The following PKP1 variants were observed in gnomAD, a reference collection of about 807,000 sequenced individuals.
The protein encoded by PKP1 is plakophilin-1.
In PKP1, 27 loss-of-function variants were observed where a neutral mutation model predicts 76.4. The ratio of observed to expected loss-of-function variants is 0.35; its 90% CI spans 0.26 to 0.49. The LOEUF (loss-of-function observed/expected upper bound fraction) is 0.49, where lower values mean the gene tolerates loss of function less well. Among genes scored for constraint, PKP1 ranks in the 20% least tolerant of loss-of-function variants. The pLI, the probability that PKP1 is intolerant of heterozygous loss-of-function variation, is 0.99. For synonymous variants in PKP1, 404 were observed against 384.2 expected (o/e 1.05, Z -0.60); for missense variants, 964 against 955.2 (o/e 1.01, Z -0.12).
intron 2 of PKP1, among the ~76,000 whole-genome samples, chr1:201,302,480 C>T (rs891979612): frequency 7.2e-5 from 11 of 152,168 alleles, no homozygotes; most frequent in African/African-American, 2.7e-4. Context: ...TCTTCTGGTG[C>T]CTTATTTCTG....
At chr1:201,323,284 A>G (rs1250413194) in intron 9 of PKP1, 95 bp downstream of exon 9, 18 of 1,211,440 alleles carry the variant, frequency 1.5e-5, no homozygotes, top group Non-Finnish European at 2.2e-5. Context: ...CTGTCCCCTG[A>G]CTTCGGAGCC....
chr1:201,318,825 T>C, intron 6 of PKP1, 30 bp downstream of exon 6: 2 of 1,554,390 alleles, frequency 1.3e-6, no homozygotes, highest in Non-Finnish European at 1.7e-6. Context: ...GGGGTCTTTT[T>C]GTCCCAGCCT....
Position 201,283,684 on chromosome 1 carries a change from C to A in PKP1, c.-19C>A, listed in dbSNP as rs1655639601. ...TGCTCTCCTAGGCCCCGGCCGCGCG[C>A]CACCCGCCTCCCGCCACCATGAACC... On this transcript the variant is annotated 5_prime_UTR_variant, in exon 1 of 14. Coordinates refer to ENST00000367324, the MANE Select transcript of PKP1 (RefSeq NM_001005337.3). 1.9e-6 allele frequency: 3 copies of A among 1,609,868 alleles called. No homozygotes were observed. The highest frequency in any genetic ancestry group is 1.7e-5 in the Admixed American group (1 of 59,758).
At chr1:201,309,205 A>G (rs1656460820) in intron 2 of PKP1, among the ~76,000 whole-genome samples, 1 of 151,826 alleles carries the variant, frequency 6.6e-6, no homozygotes, top group African/African-American at 2.4e-5. Flanking sequence ...GGCCTCTGAG[A>G]GCTTCCTGAC....
At chr1:201,328,955 C>T (rs1657231081) in intron 13 of PKP1, 87 bp downstream of exon 13, 1 of 853,100 alleles carries the variant, frequency 1.2e-6, no homozygotes. Context: ...GGCCTGTGCT[C>T]CCAGGGACAC....
In PKP1 at chr1:201,317,660, G is replaced by T; in HGVS notation, c.935G>T (p.Arg312Leu). The T allele has an allele frequency of 6.2e-7, 1 of 1,613,968 alleles. No homozygotes were observed. The highest frequency in any genetic ancestry group is 1.1e-5 in the South Asian group (1 of 91,080). The change falls in exon 5 of 14, where the codon CGC becomes CTC. Residue 312 changes from arginine (R) to leucine (L), a missense_variant. Arg to Leu is a moderately radical substitution (Grantham distance 102). Transcript: ENST00000367324. ...CAGCAGGCCGCGGCAGGGGCCCTGCGCAACCTGGTGTTCAGGAGCACCACC... is the reference window on the plus strand; with the variant it reads ...CAGCAGGCCGCGGCAGGGGCCCTGCTCAACCTGGTGTTCAGGAGCACCACC... ...NVQQAAAGAL[R>L]NLVFRSTTNK... is the part of the protein sequence containing the mutation.
At chr1:201,328,976 T>G (rs1657231631) in intron 13 of PKP1, 108 bp downstream of exon 13, 2 of 780,242 alleles carry the variant, frequency 2.6e-6, no homozygotes, top group Non-Finnish European at 4.6e-6. Flanking sequence ...AGAAGCATCC[T>G]TTTGCCTGGC....
At chr1:201,316,495 C>T in intron 3 of PKP1, 58 bp from the exon 4 acceptor site, 1 of 1,529,144 alleles carries the variant, frequency 6.5e-7, no homozygotes, top group African/African-American at 1.4e-5. Flanking sequence ...AATTCTGAGC[C>T]CCCTCAGCAG....
In PKP1 at chr1:201,283,589, T is replaced by C. The variant is rs2102402059; in HGVS notation, c.-114T>C. 1 of 929,746 alleles carries C rather than the reference T, an allele frequency of 1.1e-6. No individual in the cohort carries two copies. The highest frequency in any genetic ancestry group is 1.4e-5 in the South Asian group (1 of 71,202). The allele number at this position is 929,746 out of a possible 1,614,324, so 57.6% of individuals were successfully genotyped here. A position where few individuals can be genotyped will look rare whatever the true frequency, so the allele number is the denominator to read the frequency against. On this transcript the variant is annotated 5_prime_UTR_variant, in exon 1 of 14. Coordinates refer to ENST00000367324, the MANE Select transcript of PKP1 (RefSeq NM_001005337.3). Reference sequence around the variant, plus strand: ...ACGCGGACCACGCACTCTATGGCCGTAGGGAGCCGCTGAGAGCGAGAAGAG... The same window carrying C: ...ACGCGGACCACGCACTCTATGGCCGCAGGGAGCCGCTGAGAGCGAGAAGAG...
chr1:201,290,108 G>A (rs1045984108), intron 1 of PKP1, among the ~76,000 whole-genome samples: 12 of 152,154 alleles, frequency 7.9e-5, no homozygotes, highest in African/African-American at 2.4e-4. Context: ...TCAGCCTGTC[G>A]TTGTCTAAGG....
intron 4 of PKP1, 143 bp from the exon 5 acceptor site, chr1:201,317,429 A>T (rs1365925171): frequency 1.3e-6 from 1 of 753,728 alleles, no homozygotes. Context: ...ATGACCTCAC[A>T]CTGCTTATTT....
intron 12 of PKP1, among the ~76,000 whole-genome samples, chr1:201,326,536 T>G (rs952044829): frequency 6.6e-6 from 1 of 152,166 alleles, no homozygotes; most frequent in Non-Finnish European, 1.5e-5. Context: ...AATGGAGCAG[T>G]GGGGCTGATT....
rs759744868 is a variant in PKP1 at position 201,323,021 on chromosome 1, C to T, written c.1512C>T (p.Asn504=). Residue 504 remains asparagine (N), a synonymous_variant, in exon 9 of 14, where the codon AAC becomes AAT. Transcript: ENST00000367324. ...SNKSDKMMNN[N]YDCPLPEEET... ...CGGCTCTTTATCCTCAGAACAACAA[C>T]TATGACTGCCCCCTGCCTGAGGAAG... 3 of 1,614,108 alleles carry T rather than the reference C, an allele frequency of 1.9e-6. No homozygotes were observed. The highest frequency in any genetic ancestry group is 1.7e-5 in the Admixed American group (1 of 60,030).
In PKP1 at chr1:201,323,032, C is replaced by A. The variant is rs1366886599; in HGVS notation, c.1523C>A (p.Pro508His). ...DKMMNNNYDC[P>H]LPEEETNPKG... ...CCTCAGAACAACAACTATGACTGCC[C>A]CCTGCCTGAGGAAGAGACCAACCCC... is the stretch of plus-strand genomic sequence containing the variant. Residue 508 changes from proline (P) to histidine (H), a missense_variant, in exon 9 of 14, where the codon CCC becomes CAC. Physicochemically the swap from Pro to His is moderately conservative, Grantham distance 77. Coordinates refer to ENST00000367324, the MANE Select transcript of PKP1 (RefSeq NM_001005337.3). 1 of 1,614,140 alleles carries A rather than the reference C, an allele frequency of 6.2e-7. No individual in the cohort carries two copies. The highest frequency in any genetic ancestry group is 2.2e-5 in the East Asian group (1 of 44,880).
At chr1:201,317,147 C>A (rs1341668985) in intron 4 of PKP1, among the ~76,000 whole-genome samples, 1 of 152,174 alleles carries the variant, frequency 6.6e-6, no homozygotes, top group Non-Finnish European at 1.5e-5. Flanking sequence ...TTCTTCAGTT[C>A]AGCCCAAGGA....
At chr1:201,320,718 G>A (rs74674219) in intron 7 of PKP1, among the ~76,000 whole-genome samples, 3,573 of 152,270 alleles carry the variant, frequency 0.023, 138 homozygotes, top group African/African-American at 0.081. Flanking sequence ...AGCAAAACAC[G>A]AAGAGGGCCT....
intron 1 of PKP1, among the ~76,000 whole-genome samples, chr1:201,284,350 C>T (rs1436020699): frequency 6.6e-6 from 1 of 152,194 alleles, no homozygotes. Flanking sequence ...CGGTTGTGGG[C>T]CACCCTTCAC....
At chr1:201,300,525 CT>C (rs1656196702) in intron 2 of PKP1, among the ~76,000 whole-genome samples, 1 of 152,214 alleles carries the variant, frequency 6.6e-6, no homozygotes, top group Admixed American at 6.5e-5. Flanking sequence ...AGGGAGGCCC[CT>C]TTAGAGCCCA....
Position 201,317,770 on chromosome 1 carries a change from C to A in PKP1, c.1045C>A (p.Gln349Lys), listed in dbSNP as rs1656806795. ...RRTGNAEIQK[Q>K]LTGLLWNLSS... Reference sequence around the variant, plus strand: ...AACCGGGAACGCCGAGATCCAGAAGCAGCTGACTGGTAGGACAACACGGCC... The same window carrying A: ...AACCGGGAACGCCGAGATCCAGAAGAAGCTGACTGGTAGGACAACACGGCC... Residue 349 changes from glutamine to lysine, a missense_variant, in exon 5 of 14, where the codon CAG becomes AAG. By Grantham distance (53) the Gln-to-Lys change is moderately conservative. Coordinates refer to ENST00000367324, the MANE Select transcript of PKP1 (RefSeq NM_001005337.3). The A allele has an allele frequency of 6.2e-7, 1 of 1,613,308 alleles. No homozygotes were observed. The highest frequency in any genetic ancestry group is 1.1e-5 in the South Asian group (1 of 91,026).
Sources: allele counts gnomAD v4.1 joint callset (sites outside exome capture counted in the v4.1 genomes callset), GRCh38; gene constraint gnomAD v4.1.1; transcripts MANE v1.5; gene names NCBI Gene and HGNC (gene_info 2026-07-23, HGNC 2026-07-21).